The following ZNF423 variants were observed in gnomAD, a reference collection of about 807,000 sequenced individuals.
The protein encoded by ZNF423 is zinc finger protein 423.
ZNF423 carries 12 observed loss-of-function variants against 95.8 expected under a neutral mutation model. The ratio of observed to expected loss-of-function variants is 0.13; its 90% CI spans 0.08 to 0.20. The LOEUF is 0.20. Among genes scored for constraint, ZNF423 ranks in the 10% least tolerant of loss-of-function variants. ZNF423 has a pLI of 1.00. For missense variants in ZNF423, 1,316 were observed against 1,737.1 expected, an observed-to-expected ratio of 0.76 and a Z score of 4.31; for synonymous variants, 749 against 711.9, an observed-to-expected ratio of 1.05 and a Z score of -0.83.
At chr16:49,701,170 A>C (rs1025608161) in intron 3 of ZNF423, among the ~76,000 whole-genome samples, 1 of 152,264 alleles carries the variant, frequency 6.6e-6, no homozygotes, top group African/African-American at 2.4e-5. Flanking sequence ...TTTTAAAAAA[A>C]CAGAACCAAA....
rs1455591405 is a variant in ZNF423 at position 49,664,255 on chromosome 16, G to A, written c.302-25381C>T. 4.1e-6 allele frequency: 4 copies of A among 985,424 alleles called. No homozygotes were observed. The South Asian group carries it at 1.9e-4, about 46-fold the overall frequency. 61.0% of individuals were successfully genotyped at this position (985,424 alleles called of 1,614,324 possible). A position where few individuals can be genotyped will look rare whatever the true frequency, so the allele number is the denominator to read the frequency against. ...TCAGCCACGGGACGCATCCCCACCC[G>A]GCCGCCTGGGCCGGCGGAGAAGGAT... is the stretch of plus-strand genomic sequence containing the variant. On this transcript the variant is annotated intron_variant, in intron 3 of 7. Transcript: ENST00000563137.
At chr16:49,529,971 A>G (rs1401752434) in intron 5 of ZNF423, among the ~76,000 whole-genome samples, 5 of 152,162 alleles carry the variant, frequency 3.3e-5, no homozygotes, top group Admixed American at 6.5e-5. Flanking sequence ...GAGAAGACCA[A>G]TGACTTCCGC....
chr16:49,712,801 T>A (rs1361295391), intron 3 of ZNF423, among the ~76,000 whole-genome samples: 4 of 152,218 alleles, frequency 2.6e-5, no homozygotes, highest in African/African-American at 9.6e-5. Context: ...AAATACATAA[T>A]GAACAAAGAG....
chr16:49,727,357 T>C (rs978326750), intron 3 of ZNF423, among the ~76,000 whole-genome samples: 2 of 152,108 alleles, frequency 1.3e-5, no homozygotes, highest in Non-Finnish European at 2.9e-5. Context: ...TCTTCCATCG[T>C]GGCCATTCTG....
chr16:49,527,318 A>G (rs1474677931), intron 5 of ZNF423, among the ~76,000 whole-genome samples: 2 of 152,246 alleles, frequency 1.3e-5, no homozygotes, highest in African/African-American at 4.8e-5. Flanking sequence ...ATACTAGCAG[A>G]AAAGGAATTC....
At chr16:49,497,573 C>T (rs779934525) in intron 7 of ZNF423, among the ~76,000 whole-genome samples, 7 of 152,194 alleles carry the variant, frequency 4.6e-5, no homozygotes, top group East Asian at 3.9e-4. Context: ...CAGAGCCACC[C>T]GGCCTGCACA....
Position 49,525,376 on chromosome 16 carries a change from G to A in ZNF423, c.3720C>T (p.Pro1240=), listed in dbSNP as rs200322057. ...FEGMGGTFKC[P]VCFTVFVQAN... ...TGGGTACCTTACCTGTGAAACACAC[G>A]GGGCATTTGAAGGTGCCGCCCATGC... is the stretch of plus-strand genomic sequence containing the variant. The change falls in exon 6 of 8, where the codon CCC becomes CCT. Residue 1240 remains proline (P), a synonymous_variant. Transcript: ENST00000563137. The A allele has an allele frequency of 2.8e-5, 46 of 1,614,040 alleles. No homozygotes were observed. The East Asian group carries it at 3.6e-4, about 13-fold the overall frequency.
chr16:49,806,262 C>T (rs184240589), intron 1 of ZNF423, among the ~76,000 whole-genome samples: 22 of 152,328 alleles, frequency 1.4e-4, no homozygotes, highest in East Asian at 9.7e-4. Context: ...CCCACACAAC[C>T]GCCAGATGAA....
intron 3 of ZNF423, among the ~76,000 whole-genome samples, chr16:49,669,164 T>TA (rs2030685836): frequency 6.6e-6 from 1 of 151,938 alleles, no homozygotes; most frequent in Admixed American, 6.5e-5. Flanking sequence ...ACCCTGTCTC[T>TA]ACTAAAAATA....
intron 1 of ZNF423, among the ~76,000 whole-genome samples, chr16:49,841,619 C>T (rs2035183421): frequency 6.6e-6 from 1 of 152,206 alleles, no homozygotes; most frequent in East Asian, 1.9e-4. Flanking sequence ...CCTGATTCCC[C>T]TACCAAAGGG....
At chr16:49,836,256 C>T (rs1336299229) in intron 1 of ZNF423, among the ~76,000 whole-genome samples, 1 of 152,160 alleles carries the variant, frequency 6.6e-6, no homozygotes, top group Non-Finnish European at 1.5e-5. Flanking sequence ...CAGCCCTGCC[C>T]ACCACCTGTC....
chr16:49,507,012 G>A (rs976877607), intron 7 of ZNF423, among the ~76,000 whole-genome samples: 1 of 152,102 alleles, frequency 6.6e-6, no homozygotes, highest in African/African-American at 2.4e-5. Flanking sequence ...GGTAAACGTT[G>A]ATGAGTTGAT....
At chr16:49,578,504 G>A (rs932820526) in intron 5 of ZNF423, among the ~76,000 whole-genome samples, 1 of 152,152 alleles carries the variant, frequency 6.6e-6, no homozygotes, top group Non-Finnish European at 1.5e-5. Context: ...CTTGTGGGCC[G>A]CGGGAGCCTC....
chr16:49,582,887 G>GTT (rs1970714689), intron 5 of ZNF423, among the ~76,000 whole-genome samples: 1 of 152,158 alleles, frequency 6.6e-6, no homozygotes, highest in Non-Finnish European at 1.5e-5. Flanking sequence ...TATCACCAAA[G>GTT]ATCAGTTTTA....
At chr16:49,595,485 C>G (rs1032256423) in intron 5 of ZNF423, among the ~76,000 whole-genome samples, 2 of 152,204 alleles carry the variant, frequency 1.3e-5, no homozygotes, top group Non-Finnish European at 2.9e-5. Context: ...AGGGAGAGAT[C>G]TGCAACTCAT....
intron 1 of ZNF423, among the ~76,000 whole-genome samples, chr16:49,810,788 G>C (rs1280313107): frequency 6.6e-6 from 1 of 152,158 alleles, no homozygotes; most frequent in African/African-American, 2.4e-5. Context: ...GAGGGCAGTC[G>C]GCCCTACCGG....
chr16:49,630,818 C>T (rs1287060152), intron 4 of ZNF423, among the ~76,000 whole-genome samples: 1 of 152,134 alleles, frequency 6.6e-6, no homozygotes, highest in Non-Finnish European at 1.5e-5. Flanking sequence ...AGGAAGAACA[C>T]TGCCCAATAA....
chr16:49,659,626 C>T (rs1475435923), intron 3 of ZNF423, among the ~76,000 whole-genome samples: 1 of 152,220 alleles, frequency 6.6e-6, no homozygotes, highest in African/African-American at 2.4e-5. Flanking sequence ...CACATACTCT[C>T]AAGAGGAGGC....
intron 3 of ZNF423, among the ~76,000 whole-genome samples, chr16:49,692,950 T>C (rs1459269611): frequency 3.9e-5 from 6 of 152,250 alleles, no homozygotes; most frequent in African/African-American, 7.2e-5. Context: ...GCTTAATAAA[T>C]GTTTCTTGAA....
Sources: gnomAD v4.1 joint callset for allele counts (sites outside exome capture counted in the v4.1 genomes callset) on GRCh38, gnomAD v4.1.1 for gene constraint, MANE v1.5 for transcripts, NCBI Gene and HGNC (gene_info 2026-07-23, HGNC 2026-07-21) for gene names.